Variants in KCNH8 observed in about 807,000 individuals in gnomAD.
KCNH8 encodes the protein voltage-gated delayed rectifier potassium channel KCNH8.
A neutral mutation model predicts 103.6 loss-of-function variants in KCNH8; 70 were observed. That is an observed-to-expected ratio of 0.68 (90% CI 0.56 to 0.82). The LOEUF is 0.82. Among genes scored for constraint, KCNH8 ranks in the 40% least tolerant of loss-of-function variants. The pLI is 0.00. For missense variants in KCNH8, 1,217 were observed against 1,329.9 expected (o/e 0.92, Z 1.32); for synonymous variants, 498 against 489.4 (o/e 1.02, Z -0.23).
At chr3:19,356,223 A>G (rs1172933277) in intron 5 of KCNH8, among the ~76,000 whole-genome samples, 2 of 151,988 alleles carry the variant, frequency 1.3e-5, no homozygotes, top group African/African-American at 2.4e-5. Context: ...GAGTCACAAT[A>G]CACTTTGGCA....
At chr3:19,297,191 G>T (rs1023964141) in intron 3 of KCNH8, among the ~76,000 whole-genome samples, 1 of 152,142 alleles carries the variant, frequency 6.6e-6, no homozygotes, top group African/African-American at 2.4e-5. Flanking sequence ...GAAGAATAGG[G>T]CAAAGCTCTT....
chr3:19,413,373 A>G (rs552127813), intron 7 of KCNH8, among the ~76,000 whole-genome samples: 1 of 152,114 alleles, frequency 6.6e-6, no homozygotes, highest in South Asian at 2.1e-4. Context: ...ACTGGGGACT[A>G]CTAGAGAAGG....
At chr3:19,269,087 G>C (rs370489679) in intron 2 of KCNH8, among the ~76,000 whole-genome samples, 45 of 152,160 alleles carry the variant, frequency 3.0e-4, no homozygotes, top group African/African-American at 9.1e-4. Context: ...TTTGGTTTAC[G>C]TGTGTTTGTT....
chr3:19,478,353 C>T (rs144343085), intron 11 of KCNH8, among the ~76,000 whole-genome samples: 1 of 152,056 alleles, frequency 6.6e-6, no homozygotes, highest in Non-Finnish European at 1.5e-5. Context: ...TTTGAGAAAT[C>T]TCCATACTCT....
rs543265274 is a variant in KCNH8, at chr3:19,456,729, C to T, written c.1826-39C>T. 8,615 of 1,107,950 alleles carry T rather than the reference C, an allele frequency of 7.8e-3. 54 individuals are homozygous for T. Among genetic ancestry groups the T allele is most frequent in the South Asian group, 0.022 (1,430 of 66,372 alleles). The allele number at this position is 1,107,950 out of a possible 1,614,324, so 68.6% of individuals were successfully genotyped here. On this transcript the variant is annotated intron_variant, in intron 10 of 15. Coordinates refer to ENST00000328405, the MANE Select transcript of KCNH8 (RefSeq NM_144633.3). Reference sequence around the variant, plus strand: ...AATGAGGTTATCAGTCCTAAGCTTGCTTTTTTTTTTTGAAAATGATCTCTC... The same window carrying T: ...AATGAGGTTATCAGTCCTAAGCTTGTTTTTTTTTTTTGAAAATGATCTCTC...
At chr3:19,156,116 C>G (rs186727448) in intron 1 of KCNH8, among the ~76,000 whole-genome samples, 1 of 152,106 alleles carries the variant, frequency 6.6e-6, no homozygotes, top group South Asian at 2.1e-4. Flanking sequence ...CTTATTTTCA[C>G]GTGGTTCAAG....
intron 3 of KCNH8, among the ~76,000 whole-genome samples, chr3:19,298,908 C>T (rs909037850): frequency 4.0e-5 from 5 of 125,186 alleles, no homozygotes; most frequent in African/African-American, 6.2e-5. Flanking sequence ...GGCGACCTAG[C>T]GAGACTCCGT....
At chr3:19,372,551 C>G (rs2066117115) in intron 5 of KCNH8, among the ~76,000 whole-genome samples, 1 of 152,168 alleles carries the variant, frequency 6.6e-6, no homozygotes, top group South Asian at 2.1e-4. Context: ...ATCATGTCGT[C>G]TGCAAACAAG....
chr3:19,153,730 T>C (rs1293318497), intron 1 of KCNH8, among the ~76,000 whole-genome samples: 2 of 151,396 alleles, frequency 1.3e-5, no homozygotes, highest in Non-Finnish European at 2.9e-5. Flanking sequence ...CCTCCCGGGT[T>C]CAAGCAATTC....
intron 2 of KCNH8, among the ~76,000 whole-genome samples, chr3:19,267,329 A>C (rs763617996): frequency 2.6e-5 from 4 of 152,086 alleles, no homozygotes; most frequent in Non-Finnish European, 5.9e-5. Context: ...CTGAATGTGA[A>C]AAGAATACGT....
intron 1 of KCNH8, among the ~76,000 whole-genome samples, chr3:19,157,882 G>A (rs1167994494): frequency 6.6e-6 from 1 of 151,590 alleles, no homozygotes; most frequent in African/African-American, 2.4e-5. Context: ...AACACGAATT[G>A]TATACATTGT....
Position 19,275,400 on chromosome 3 carries a change from C to T in KCNH8, c.311-5798C>T, listed in dbSNP as rs140887159. Among the ~76,000 whole-genome samples the T allele has an allele frequency of 3.1e-3, 476 of 152,088 alleles. 4 individuals are homozygous for T. Among genetic ancestry groups the T allele is most frequent in the African/African-American group, 0.011 (453 of 41,434 alleles). On this transcript the variant is annotated intron_variant, in intron 2 of 15. Coordinates refer to ENST00000328405, the MANE Select transcript of KCNH8 (RefSeq NM_144633.3). ...CAGTTCATCTCCTGTCTACCCCCCA[C>T]GCTGCCCTCCACTGTTACACAGGGA...
At chr3:19,168,962 AT>A (rs2063311785) in intron 1 of KCNH8, among the ~76,000 whole-genome samples, 2 of 152,084 alleles carry the variant, frequency 1.3e-5, no homozygotes, top group African/African-American at 4.8e-5. Context: ...CCTCCTCACC[AT>A]CCCTCCGCCA....
chr3:19,166,312 A>T (rs1199079310), intron 1 of KCNH8, among the ~76,000 whole-genome samples: 2 of 152,232 alleles, frequency 1.3e-5, no homozygotes, highest in Admixed American at 6.5e-5. Flanking sequence ...TACAAAATTT[A>T]TGATGCTACC....
At chr3:19,223,457 T>G (rs531542726) in intron 1 of KCNH8, among the ~76,000 whole-genome samples, 1 of 152,324 alleles carries the variant, frequency 6.6e-6, no homozygotes, top group South Asian at 2.1e-4. Context: ...TACATATTTT[T>G]TTAAAATAAA....
intron 15 of KCNH8, among the ~76,000 whole-genome samples, chr3:19,519,535 C>T (rs766744212): frequency 1.1e-4 from 16 of 150,366 alleles, no homozygotes; most frequent in African/African-American, 2.0e-4. Context: ...GTAAGAGAGC[C>T]GAAGGACCGA....
rs2065746125 is a variant in KCNH8, at chr3:19,347,662, C to T, written c.571-63C>T. On this transcript the variant is annotated intron_variant, in intron 4 of 15. Transcript: ENST00000328405. ...TACTCACAAAAGTGTGTGTTTCAAGCTATGTAATCCTTGTTTCTAATGTTG... is the reference window on the plus strand; with the variant it reads ...TACTCACAAAAGTGTGTGTTTCAAGTTATGTAATCCTTGTTTCTAATGTTG... 3 of 1,576,696 alleles carry T rather than the reference C, an allele frequency of 1.9e-6. No individual in the cohort carries two copies. The Admixed American group carries it at 5.2e-5, about 27-fold the overall frequency.
At chr3:19,318,462 A>G (rs894058858) in intron 3 of KCNH8, among the ~76,000 whole-genome samples, 2 of 151,664 alleles carry the variant, frequency 1.3e-5, no homozygotes, top group Admixed American at 6.6e-5. Context: ...AGTCTATTGT[A>G]TCATTCTTAT....
intron 11 of KCNH8, among the ~76,000 whole-genome samples, chr3:19,497,945 G>A (rs1040442419): frequency 3.3e-5 from 5 of 152,118 alleles, no homozygotes; most frequent in Non-Finnish European, 7.4e-5. Context: ...TATATATTTA[G>A]GATAGTTAGG....
Sources: gnomAD v4.1 joint callset for allele counts (sites outside exome capture counted in the v4.1 genomes callset) on GRCh38, gnomAD v4.1.1 for gene constraint, MANE v1.5 for transcripts, NCBI Gene and HGNC (gene_info 2026-07-23, HGNC 2026-07-21) for gene names.